The following SH3PXD2A variants were observed in gnomAD, a reference collection of about 807,000 sequenced individuals.
SH3PXD2A encodes SH3 and PX domains 2A, also known as SH3 and PX domain-containing protein 2A.
A neutral mutation model predicts 115.2 loss-of-function variants in SH3PXD2A; 32 were observed. The observed-to-expected ratio is 0.28, with a 90% confidence interval of 0.21 to 0.37. The LOEUF (loss-of-function observed/expected upper bound fraction) is 0.37. Ranked by LOEUF, SH3PXD2A falls within the 10% of genes least tolerant of loss-of-function variation. The pLI, the probability that SH3PXD2A is intolerant of heterozygous loss-of-function variation, is 1.00. For missense variants in SH3PXD2A, 1,328 were observed against 1,498.7 expected, an observed-to-expected ratio of 0.89 and a Z score of 1.88; for synonymous variants, 610 against 629.1, an observed-to-expected ratio of 0.97 and a Z score of 0.45.
chr10:103,662,341 C>CGGGGGGGG (rs1196791691), intron 7 of SH3PXD2A, among the ~76,000 whole-genome samples: 9 of 10,616 alleles, frequency 8.5e-4, no homozygotes, highest in Admixed American at 3.5e-3. Context: ...CCATTATTGG[C>CGGGGGGGG]GGGGGGGGGG....
chr10:103,703,791 T>C (rs1170873165), intron 5 of SH3PXD2A, among the ~76,000 whole-genome samples: 2 of 152,106 alleles, frequency 1.3e-5, no homozygotes, highest in South Asian at 2.1e-4. Flanking sequence ...GGCTACTTTA[T>C]TGGACAGTAC....
intron 8 of SH3PXD2A, among the ~76,000 whole-genome samples, chr10:103,651,317 C>T (rs946903199): frequency 1.3e-5 from 2 of 152,224 alleles, no homozygotes; most frequent in African/African-American, 2.4e-5. Context: ...TGGGAATGCT[C>T]GTGCAACTCT....
intron 5 of SH3PXD2A, among the ~76,000 whole-genome samples, chr10:103,715,870 A>G (rs1278985747): frequency 6.6e-6 from 1 of 152,140 alleles, no homozygotes; most frequent in Non-Finnish European, 1.5e-5. Flanking sequence ...TCGTCTTCCT[A>G]CGGGAACCCT....
chr10:103,803,669 G>A (rs1442521197), intron 1 of SH3PXD2A, among the ~76,000 whole-genome samples: 1 of 152,186 alleles, frequency 6.6e-6, no homozygotes, highest in Non-Finnish European at 1.5e-5. Flanking sequence ...CTATCTCCCT[G>A]TACATAAATT....
chr10:103,709,827 C>T (rs539688755), intron 5 of SH3PXD2A, among the ~76,000 whole-genome samples: 20 of 152,292 alleles, frequency 1.3e-4, no homozygotes, highest in South Asian at 8.3e-4. Context: ...GTAGGCTGGC[C>T]GGGCAAGGTG....
At chr10:103,718,532 C>G (rs1028522601) in intron 5 of SH3PXD2A, among the ~76,000 whole-genome samples, 3 of 152,220 alleles carry the variant, frequency 2.0e-5, no homozygotes, top group Non-Finnish European at 2.9e-5. Flanking sequence ...CACCCAGGCT[C>G]CAAGGCCTGC....
Position 103,824,924 on chromosome 10 carries a change from C to G in SH3PXD2A, c.73-23562G>C, listed in dbSNP as rs1319606185. ...TTCAAGCAATTCTCGTGCCTCAGCCCCCTGAGTAGCTGGAGTTACAGAAGT... is the reference window on the plus strand; with the variant it reads ...TTCAAGCAATTCTCGTGCCTCAGCCGCCTGAGTAGCTGGAGTTACAGAAGT... On this transcript the variant is annotated intron_variant, in intron 1 of 14. Transcript: ENST00000369774. Among the ~76,000 whole-genome samples, 3 of 152,078 alleles carry G rather than the reference C, an allele frequency of 2.0e-5. No individual in the cohort carries two copies. In the East Asian group the frequency reaches 5.8e-4, roughly 29 times the overall value.
chr10:103,630,320 T>C (rs1311237983), intron 8 of SH3PXD2A, among the ~76,000 whole-genome samples: 1 of 152,164 alleles, frequency 6.6e-6, no homozygotes, highest in East Asian at 1.9e-4. Flanking sequence ...GTCCCAGCTG[T>C]TCTCCCACAG....
intron 8 of SH3PXD2A, among the ~76,000 whole-genome samples, chr10:103,655,476 G>A (rs572367965): frequency 6.6e-5 from 10 of 152,212 alleles, no homozygotes; most frequent in African/African-American, 1.4e-4. Flanking sequence ...CATAAAATCC[G>A]TTTAAGACAA....
intron 2 of SH3PXD2A, among the ~76,000 whole-genome samples, chr10:103,770,879 T>C (rs1438001987): frequency 6.6e-6 from 1 of 152,266 alleles, no homozygotes; most frequent in African/African-American, 2.4e-5. Context: ...TGTTCACATG[T>C]CTACGCACAC....
chr10:103,811,109 C>T lies in SH3PXD2A; in HGVS notation c.73-9747G>A, dbSNP rs774340682. 1.1e-4 allele frequency among the ~76,000 whole-genome samples: 17 copies of T among 152,320 alleles called. No individual in the cohort carries two copies. In the South Asian group the frequency reaches 1.2e-3, roughly 11 times the overall value. On this transcript the variant is annotated intron_variant, in intron 1 of 14. Transcript: ENST00000369774. ...CAGGAGCGTCCGCTGAAAGGATGAACGTGCTGCGGTTGGCCCCTCTGGGGC... is the reference window on the plus strand; with the variant it reads ...CAGGAGCGTCCGCTGAAAGGATGAATGTGCTGCGGTTGGCCCCTCTGGGGC...
intron 5 of SH3PXD2A, among the ~76,000 whole-genome samples, chr10:103,721,656 G>A (rs2038183372): frequency 6.6e-6 from 1 of 152,188 alleles, no homozygotes; most frequent in Admixed American, 6.5e-5. Flanking sequence ...CACCCACGTA[G>A]GGAGGAGCAT....
intron 9 of SH3PXD2A, 136 bp downstream of exon 9, chr10:103,626,953 G>C (rs2036707006): frequency 3.3e-6 from 2 of 608,680 alleles, no homozygotes; most frequent in Non-Finnish European, 5.9e-6. Flanking sequence ...CAACCTTACT[G>C]AGATGGGATC....
At chr10:103,698,305 C>T (rs994855288) in intron 5 of SH3PXD2A, among the ~76,000 whole-genome samples, 6 of 152,326 alleles carry the variant, frequency 3.9e-5, no homozygotes, top group Non-Finnish European at 8.8e-5. Flanking sequence ...GGGTTGTACC[C>T]TCCACTGCCC....
At position 103,784,914 on chromosome 10, in the gene SH3PXD2A, G is replaced by A. The variant is rs992189656; in HGVS notation, c.153+16368C>T. On this transcript the variant is annotated intron_variant, in intron 2 of 14. Coordinates refer to ENST00000369774, the MANE Select transcript of SH3PXD2A (RefSeq NM_001394015.1). The surrounding 1 kb of genome is among the most constrained non-coding windows in gnomAD (Gnocchi z 4.4). ...ACCTGGGAGCGGCAGCCTACTAGGC[G>A]TGTCTGCTTAGACGGGTAACCAGTC... is the stretch of plus-strand genomic sequence containing the variant. 9.9e-5 allele frequency among the ~76,000 whole-genome samples: 15 copies of A among 152,142 alleles called. No homozygotes were observed. Among genetic ancestry groups the A allele is most frequent in the Non-Finnish European group, 1.8e-4 (12 of 68,034 alleles).
intron 2 of SH3PXD2A, among the ~76,000 whole-genome samples, chr10:103,777,001 C>G (rs2038886852): frequency 6.6e-6 from 1 of 152,238 alleles, no homozygotes; most frequent in Non-Finnish European, 1.5e-5. Flanking sequence ...TATGAAGAGT[C>G]TCTTCCTGAA....
intron 4 of SH3PXD2A, among the ~76,000 whole-genome samples, chr10:103,724,760 C>T (rs894142861): frequency 6.6e-6 from 1 of 151,992 alleles, no homozygotes; most frequent in Non-Finnish European, 1.5e-5. Flanking sequence ...ATCCAACCAG[C>T]CAGTCAACCA....
At chr10:103,684,275 C>A (rs1372376415) in intron 6 of SH3PXD2A, among the ~76,000 whole-genome samples, 1 of 152,166 alleles carries the variant, frequency 6.6e-6, no homozygotes, top group East Asian at 1.9e-4. Context: ...GTTCTGCCCA[C>A]CCCATACCCT....
At chr10:103,819,646 T>C (rs1438497695) in intron 1 of SH3PXD2A, among the ~76,000 whole-genome samples, 1 of 151,692 alleles carries the variant, frequency 6.6e-6, no homozygotes, top group African/African-American at 2.4e-5. Flanking sequence ...GAACTTGGCA[T>C]AGTTTGGGAT....
Sources: gnomAD v4.1 joint callset for allele counts (sites outside exome capture counted in the v4.1 genomes callset) on GRCh38, gnomAD v4.1.1 for gene constraint, Gnocchi (gnomAD v3.1) non-coding constraint, MANE v1.5 for transcripts, NCBI Gene and HGNC (gene_info 2026-07-23, HGNC 2026-07-21) for gene names.